UBE2F: variants seen among roughly 807,000 people sequenced by gnomAD.
The protein encoded by UBE2F is NEDD8-conjugating enzyme UBE2F.
Under a neutral mutation model 29.6 loss-of-function variants are expected in UBE2F, and 5 were observed. The ratio of observed to expected loss-of-function variants is 0.17; its 90% confidence interval spans 0.09 to 0.36. The LOEUF (loss-of-function observed/expected upper bound fraction) is 0.36, where lower values mean the gene tolerates loss of function less well. Ranked by LOEUF, UBE2F falls within the 10% of genes least tolerant of loss-of-function variation. The probability of loss-of-function intolerance (pLI) is 1.00; values close to 1 mark genes in which losing one functional copy is unlikely to be tolerated. For synonymous variants in UBE2F, 66 were observed against 81.8 expected (o/e 0.81, Z 1.04); for missense variants, 141 against 228.5 (o/e 0.62, Z 2.47).
intron 1 of UBE2F, among the ~76,000 whole-genome samples, chr2:237,971,013 T>C (rs1170888406): frequency 1.3e-5 from 2 of 152,236 alleles, no homozygotes; most frequent in Non-Finnish European, 2.9e-5. Flanking sequence ...ATGCCTGGCC[T>C]GTACTGTTTT....
intron 7 of UBE2F, 22 bp downstream of exon 7, chr2:238,030,635 T>G: frequency 6.2e-7 from 1 of 1,600,790 alleles, no homozygotes; most frequent in Non-Finnish European, 8.6e-7. Flanking sequence ...GCCTTGATCT[T>G]GATCATAAGT....
chr2:237,983,028 T>A (rs534217141), intron 2 of UBE2F, among the ~76,000 whole-genome samples: 17 of 152,278 alleles, frequency 1.1e-4, no homozygotes, highest in African/African-American at 4.1e-4. Flanking sequence ...AGTGACAGAG[T>A]CTCACTATGT....
intron 3 of UBE2F, among the ~76,000 whole-genome samples, chr2:237,988,531 G>A (rs761804009): frequency 1.9e-4 from 28 of 150,964 alleles, no homozygotes; most frequent in Non-Finnish European, 3.8e-4. Flanking sequence ...CATTAGAGTC[G>A]CTTGAACCCA....
At chr2:238,031,240 A>C (rs2064568940) in intron 7 of UBE2F, among the ~76,000 whole-genome samples, 1 of 152,164 alleles carries the variant, frequency 6.6e-6, no homozygotes, top group South Asian at 2.1e-4. Context: ...TTCCCTCTGC[A>C]GGTCGTGCCT....
chr2:238,019,796 A>G (rs2064250550), intron 5 of UBE2F, among the ~76,000 whole-genome samples: 1 of 151,420 alleles, frequency 6.6e-6, no homozygotes, highest in South Asian at 2.1e-4. Context: ...AGTAGCTGGG[A>G]TTACAGGTGC....
At chr2:238,031,466 G>A (rs751441440) in intron 7 of UBE2F, among the ~76,000 whole-genome samples, 4 of 152,202 alleles carry the variant, frequency 2.6e-5, no homozygotes, top group Non-Finnish European at 5.9e-5. Context: ...CCAACCCTAG[G>A]CCTGGCTCAC....
chr2:238,001,298 G>T (rs1486534001), intron 4 of UBE2F, among the ~76,000 whole-genome samples: 3 of 152,100 alleles, frequency 2.0e-5, no homozygotes, highest in Non-Finnish European at 2.9e-5. Context: ...CTCCCAAAGT[G>T]CTGGGATTAC....
chr2:238,030,596 C>G lies in UBE2F; in HGVS notation c.394C>G (p.Pro132Ala). The G allele has an allele frequency of 6.2e-7, 1 of 1,613,466 alleles. No homozygotes were observed. Among genetic ancestry groups the G allele is most frequent in the Non-Finnish European group, 8.5e-7 (1 of 1,179,544 alleles). ...TTCAATTGATGGCACTGGCTGGGCT[C>G]CCACAAGAACATTAAAGGTAGAGTC... ...EHSIDGTGWA[P>A]TRTLKDVVWG... Residue 132 changes from proline (P) to alanine (A), a missense_variant, in exon 7 of 10, where the codon CCC becomes GCC. Pro to Ala is a conservative substitution (Grantham distance 27). Coordinates refer to ENST00000272930, the MANE Select transcript of UBE2F (RefSeq NM_080678.3).
chr2:238,029,950 TC>T lies in UBE2F; in HGVS notation c.354-605del, dbSNP rs1251864941. On this transcript the variant is annotated intron_variant, in intron 6 of 9. Coordinates refer to ENST00000272930, the MANE Select transcript of UBE2F (RefSeq NM_080678.3). ...GCCATTGTCATTTTCTTTCTTTCTT[TC>T]TTTTTTTTTTTTTGAGACAGGGCCT... 3.2e-4 allele frequency among the ~76,000 whole-genome samples: 32 copies of T among 98,538 alleles called. No individual in the cohort carries two copies. The East Asian group carries it at 0.013, about 39-fold the overall frequency. The allele number at this position is 98,538 out of a possible 152,430, so 64.6% of individuals were successfully genotyped here. A position where few individuals can be genotyped will look rare whatever the true frequency, so the allele number is the denominator to read the frequency against.
At chr2:238,032,897 G>A (rs770875396) in intron 8 of UBE2F, among the ~76,000 whole-genome samples, 5 of 152,236 alleles carry the variant, frequency 3.3e-5, no homozygotes, top group Non-Finnish European at 7.3e-5. Flanking sequence ...GGAGTGACAT[G>A]TGGGGAGGTT....
intron 9 of UBE2F, among the ~76,000 whole-genome samples, chr2:238,039,211 G>T (rs926839176): frequency 6.6e-6 from 1 of 152,176 alleles, no homozygotes; most frequent in African/African-American, 2.4e-5. Context: ...CTCCTGCCTG[G>T]GCAGCAAGAG....
chr2:238,032,236 A>T lies in UBE2F; in HGVS notation c.426A>T (p.Gly142=). Residue 142 remains glycine (G), a synonymous_variant, in exon 8 of 10, where the codon GGA becomes GGT. Coordinates refer to ENST00000272930, the MANE Select transcript of UBE2F (RefSeq NM_080678.3). ...PTRTLKDVVW[G]LNSLFTDLLN... ...TTTTATTTCAGGATGTCGTTTGGGG[A>T]TTAAACTCTTTGTTTACTGTAAGTA... 6.2e-7 allele frequency: 1 copy of T among 1,613,154 alleles called. No individual in the cohort carries two copies. Among genetic ancestry groups the T allele is most frequent in the Non-Finnish European group, 8.5e-7 (1 of 1,179,414 alleles).
At chr2:238,010,840 A>C (rs1238665202) in intron 4 of UBE2F, among the ~76,000 whole-genome samples, 1 of 152,186 alleles carries the variant, frequency 6.6e-6, no homozygotes, top group Non-Finnish European at 1.5e-5. Flanking sequence ...ATCTCAAGTT[A>C]ATGTGTCTGA....
chr2:238,010,246 T>C (rs894755567), intron 4 of UBE2F, among the ~76,000 whole-genome samples: 2 of 152,164 alleles, frequency 1.3e-5, no homozygotes, highest in Non-Finnish European at 2.9e-5. Flanking sequence ...CAATCTTGGC[T>C]CACTGCAACC....
intron 4 of UBE2F, among the ~76,000 whole-genome samples, chr2:238,003,139 A>G (rs1185401027): frequency 6.6e-6 from 1 of 152,066 alleles, no homozygotes; most frequent in Admixed American, 6.6e-5. Context: ...CTTGATTTTT[A>G]ATTTTAGTAT....
intron 5 of UBE2F, among the ~76,000 whole-genome samples, chr2:238,025,026 G>C (rs1484932187): frequency 6.6e-6 from 1 of 152,156 alleles, no homozygotes; most frequent in Admixed American, 6.5e-5. Context: ...AAACCCAGGG[G>C]GTGTGGGAGG....
At chr2:237,997,988 T>C (rs773294521) in intron 4 of UBE2F, among the ~76,000 whole-genome samples, 2 of 152,214 alleles carry the variant, frequency 1.3e-5, no homozygotes, top group Non-Finnish European at 2.9e-5. Context: ...TGGGACAGTT[T>C]GAAAAACTGG....
At chr2:238,028,781 T>A (rs141644998) in intron 6 of UBE2F, among the ~76,000 whole-genome samples, 1 of 152,340 alleles carries the variant, frequency 6.6e-6, no homozygotes, top group East Asian at 1.9e-4. Context: ...AATTTAAACA[T>A]GCTCTAATTC....
At chr2:237,990,334 C>T (rs2063559426) in intron 3 of UBE2F, 1 of 434,000 alleles carries the variant, frequency 2.3e-6, no homozygotes, top group South Asian at 1.7e-5. Context: ...ATAAAATAAT[C>T]CCTCTGCTTT....
Sources: allele counts gnomAD v4.1 joint callset (sites outside exome capture counted in the v4.1 genomes callset), GRCh38; gene constraint gnomAD v4.1.1; transcripts MANE v1.5; gene names NCBI Gene and HGNC (gene_info 2026-07-23, HGNC 2026-07-21).